DDX31: variants seen among roughly 807,000 people sequenced by gnomAD.
DDX31 encodes DEAD-box helicase 31.
DDX31 carries 70 observed loss-of-function variants against 91.3 expected under a neutral mutation model. That is an observed-to-expected ratio of 0.77 (90% confidence interval 0.63 to 0.94). The LOEUF is 0.94. DDX31 is among the 40% of genes least tolerant of loss of function. The pLI is 0.00. For synonymous variants in DDX31, 362 were observed against 350.6 expected (o/e 1.03, Z -0.36); for missense variants, 902 against 925.0 (o/e 0.98, Z 0.32).
chr9:132,598,620 G>C (rs1830567379), intron 19 of DDX31, among the ~76,000 whole-genome samples: 1 of 152,172 alleles, frequency 6.6e-6, no homozygotes, highest in Non-Finnish European at 1.5e-5. Flanking sequence ...AGATCGCAGG[G>C]CCTTCTCCCA....
intron 16 of DDX31, among the ~76,000 whole-genome samples, chr9:132,627,782 C>T (rs1215002009): frequency 6.6e-6 from 1 of 152,178 alleles, no homozygotes; most frequent in Non-Finnish European, 1.5e-5. Context: ...TCTAGGAAGG[C>T]GGGCAGCCAT....
intron 19 of DDX31, among the ~76,000 whole-genome samples, chr9:132,611,701 T>A (rs537186695): frequency 6.6e-6 from 1 of 152,104 alleles, no homozygotes; most frequent in African/African-American, 2.4e-5. Flanking sequence ...CTGTTAGAGA[T>A]CTGGGCTTCA....
At chr9:132,628,765 T>C (rs1484564943) in intron 16 of DDX31, among the ~76,000 whole-genome samples, 1 of 152,202 alleles carries the variant, frequency 6.6e-6, no homozygotes, top group Non-Finnish European at 1.5e-5. Flanking sequence ...ATGGAATTTG[T>C]AGCTCTAGAA....
chr9:132,594,832 G>T lies in DDX31; in HGVS notation c.*34C>A, dbSNP rs73560853. ...GGACATCAATCCACTGCCACCCGGG[G>T]CTTCCAGGTTCCACTCGAAGACCCA... On this transcript the variant is annotated 3_prime_UTR_variant, in exon 20 of 20. Transcript: ENST00000372159. 6.2e-7 allele frequency: 1 copy of T among 1,604,834 alleles called. No homozygotes were observed. Among genetic ancestry groups the T allele is most frequent in the Non-Finnish European group, 8.5e-7 (1 of 1,174,514 alleles).
At chr9:132,610,092 C>T (rs1831241335) in intron 19 of DDX31, among the ~76,000 whole-genome samples, 1 of 152,168 alleles carries the variant, frequency 6.6e-6, no homozygotes, top group Non-Finnish European at 1.5e-5. Context: ...AGTTAACATG[C>T]ATGAGTACTG....
At chr9:132,599,819 C>T (rs1433386461) in intron 19 of DDX31, among the ~76,000 whole-genome samples, 4 of 152,240 alleles carry the variant, frequency 2.6e-5, no homozygotes, top group South Asian at 4.1e-4. Context: ...TCCAGGGCCA[C>T]GGCTAGGCCC....
Position 132,658,514 on chromosome 9 carries a change from T to C in DDX31, c.588+157A>G, listed in dbSNP as rs116103590. On this transcript the variant is annotated intron_variant, in intron 6 of 19. Transcript: ENST00000372159. ...TTTATTCTACTCTAGGCACAGTCTC[T>C]AGATACAACACATTTATGCAATAAA... is the stretch of plus-strand genomic sequence containing the variant. 4.6e-3 allele frequency among the ~76,000 whole-genome samples: 697 copies of C among 152,298 alleles called. 5 individuals carry two copies. Among genetic ancestry groups the C allele is most frequent in the African/African-American group, 0.016 (664 of 41,554 alleles).
chr9:132,645,867 G>A, intron 13 of DDX31, 28 bp downstream of exon 13: 1 of 1,591,248 alleles, frequency 6.3e-7, no homozygotes, highest in Non-Finnish European at 8.6e-7. Context: ...CCGCAGTGTT[G>A]TCGCTGCACA....
At chr9:132,649,996 T>C (rs923056109) in intron 9 of DDX31, among the ~76,000 whole-genome samples, 1 of 152,188 alleles carries the variant, frequency 6.6e-6, no homozygotes, top group African/African-American at 2.4e-5. Flanking sequence ...AGTTAAGAAG[T>C]TGACAGCACT....
At chr9:132,661,068 G>T (rs1834902963) in intron 4 of DDX31, 140 bp downstream of exon 4, 2 of 740,538 alleles carry the variant, frequency 2.7e-6, no homozygotes, top group Non-Finnish European at 2.4e-6. Flanking sequence ...AGCTAAGTGA[G>T]ACGACAACCC....
Position 132,646,074 on chromosome 9 carries a change from A to G in DDX31, c.1204-3T>C, listed in dbSNP as rs372504512. 27 of 1,612,372 alleles carry G rather than the reference A, an allele frequency of 1.7e-5. No homozygotes were observed. In the African/African-American group the frequency reaches 2.1e-4, roughly 13 times the overall value. ...ACCATCTTCTGGTCTTCCTCAAACT[A>G]CATCGATACAAAGGGAGGAAAAACC... On this transcript the variant is annotated splice_region_variant and splice_polypyrimidine_tract_variant and intron_variant, in intron 12 of 19. Transcript: ENST00000372159.
chr9:132,659,744 GC>G lies in DDX31; in HGVS notation c.488del (p.Gly163AlafsTer6). 1 of 1,612,786 alleles carries G rather than the reference GC, an allele frequency of 6.2e-7. No homozygotes were observed. Among genetic ancestry groups the G allele is most frequent in the Non-Finnish European group, 8.5e-7 (1 of 1,179,392 alleles). On this transcript the variant is annotated frameshift_variant, in exon 5 of 20. Transcript: ENST00000372159. LOFTEE classifies it high-confidence loss of function. ...TCTGGGATCTCACGAGAGCATCTCTGCCTTCCAGCAACACAGGAATACTTTG... is the reference window on the plus strand; with the variant it reads ...TCTGGGATCTCACGAGAGCATCTCTGCTTCCAGCAACACAGGAATACTTTG... ...QKQSIPVLLE[G>X]RDALVRSQTG... is the part of the protein sequence containing the mutation.
intron 13 of DDX31, among the ~76,000 whole-genome samples, chr9:132,642,484 T>A (rs1833564592): frequency 6.6e-6 from 1 of 152,178 alleles, no homozygotes; most frequent in South Asian, 2.1e-4. Flanking sequence ...AGATTAGATA[T>A]TTATAAAACT....
Position 132,648,230 on chromosome 9 carries a change from T to C in DDX31, c.926A>G (p.Gln309Arg), listed in dbSNP as rs781475740. The change falls in exon 11 of 20, where the codon CAA (glutamine) becomes CGA (arginine). Residue 309 changes from glutamine to arginine, a missense_variant. By Grantham distance (43) the Gln-to-Arg change is conservative (BLOSUM62 1). Coordinates refer to ENST00000372159, the MANE Select transcript of DDX31 (RefSeq NM_022779.9). Reference sequence around the variant, plus strand: ...TGATAGCAAGACATTCTGTCGTTTTTGGCATTCAGCATTTACAGCATTAAG... The same window carrying C: ...TGATAGCAAGACATTCTGTCGTTTTCGGCATTCAGCATTTACAGCATTAAG... The part of the protein sequence containing the change: ...VILNAVNAEC[Q>R]KRQNVLLSAT... 1.9e-6 allele frequency: 3 copies of C among 1,614,130 alleles called. No individual in the cohort carries two copies. The highest frequency in any genetic ancestry group is 2.2e-5 in the East Asian group (1 of 44,888).
intron 14 of DDX31, among the ~76,000 whole-genome samples, chr9:132,640,333 C>A (rs1833417662): frequency 6.6e-6 from 1 of 151,988 alleles, no homozygotes; most frequent in Non-Finnish European, 1.5e-5. Context: ...TGAATCAAGG[C>A]CCCAAAGCTA....
rs1261396354 is a variant in DDX31 at position 132,630,287 on chromosome 9, G to GT, written c.1607dup (p.Asn536LysfsTer12). On this transcript the variant is annotated frameshift_variant, in exon 16 of 20. Transcript: ENST00000372159. LOFTEE classifies it high-confidence loss of function. ...ACTTGATTTTGTGAGAAGCCAACGA[G>GT]TTGACATATTCTGCCTCCGAAGGAG... 6 of 1,581,786 alleles carry GT rather than the reference G, an allele frequency of 3.8e-6. No individual in the cohort carries two copies. The East Asian group carries it at 9.1e-5, about 24-fold the overall frequency.
chr9:132,617,211 CG>C (rs1165732811), intron 18 of DDX31, among the ~76,000 whole-genome samples: 1 of 152,120 alleles, frequency 6.6e-6, no homozygotes, highest in Non-Finnish European at 1.5e-5. Flanking sequence ...TAGAGAGCCA[CG>C]GGGCTCATCC....
chr9:132,609,339 C>G (rs894999907), intron 19 of DDX31, among the ~76,000 whole-genome samples: 4 of 152,180 alleles, frequency 2.6e-5, no homozygotes, highest in Non-Finnish European at 5.9e-5. Flanking sequence ...ACAGGGGTAT[C>G]GTGGTCTTGG....
At chr9:132,665,484 C>A (rs1835247915) in intron 1 of DDX31, among the ~76,000 whole-genome samples, 1 of 152,148 alleles carries the variant, frequency 6.6e-6, no homozygotes, top group South Asian at 2.1e-4. Flanking sequence ...AAAAGCTAGA[C>A]TAACATGGCC....
Sources: gnomAD v4.1 joint callset for allele counts (sites outside exome capture counted in the v4.1 genomes callset) on GRCh38, gnomAD v4.1.1 for gene constraint, MANE v1.5 for transcripts, NCBI Gene and HGNC (gene_info 2026-07-23, HGNC 2026-07-21) for gene names.